Variants in B3GALT1 observed in about 807,000 individuals in gnomAD.
B3GALT1 encodes beta-1,3-galactosyltransferase 1, also known as UDP-Gal:betaGlcNAc beta 1,3-galactosyltransferase, polypeptide 1.
Under a neutral mutation model 23.2 loss-of-function variants are expected in B3GALT1, and 10 were observed. The observed-to-expected ratio is 0.43, with a 90% CI of 0.27 to 0.73. B3GALT1 has a LOEUF of 0.73. B3GALT1 is among the 30% of genes least tolerant of loss of function. The pLI is 0.21. For missense variants in B3GALT1, 299 were observed against 405.4 expected (o/e 0.74, Z 2.25); for synonymous variants, 156 against 141.5 (o/e 1.10, Z -0.73).
chr2:167,536,648 G>C (rs1047739517), intron 2 of B3GALT1, among the ~76,000 whole-genome samples: 6 of 152,124 alleles, frequency 3.9e-5, no homozygotes, highest in Non-Finnish European at 8.8e-5. Context: ...TGTTAGAAGA[G>C]AGAGGAAAAT....
At chr2:167,435,973 ACACACACACG>A (rs112038689) in intron 1 of B3GALT1, among the ~76,000 whole-genome samples, 19 of 116,290 alleles carry the variant, frequency 1.6e-4, no homozygotes, top group African/African-American at 7.2e-4. Context: ...ACACACACAC[ACACACACACG>A]CACACACACA....
intron 1 of B3GALT1, among the ~76,000 whole-genome samples, chr2:167,481,827 G>C (rs1187425991): frequency 6.6e-6 from 1 of 152,152 alleles, no homozygotes; most frequent in Non-Finnish European, 1.5e-5. Flanking sequence ...TCCACCACTG[G>C]AGAGAGCACT....
chr2:167,524,815 C>T (rs987225181), intron 2 of B3GALT1, among the ~76,000 whole-genome samples: 1 of 152,176 alleles, frequency 6.6e-6, no homozygotes, highest in African/African-American at 2.4e-5. Flanking sequence ...CTATCAGCAC[C>T]TTGCCTTTGT....
At chr2:167,473,461 A>G (rs554990795) in intron 1 of B3GALT1, among the ~76,000 whole-genome samples, 1 of 152,296 alleles carries the variant, frequency 6.6e-6, no homozygotes, top group East Asian at 1.9e-4. Context: ...TGTTAACGAT[A>G]CAAAATAATT....
At chr2:167,522,304 T>C (rs1398085596) in intron 2 of B3GALT1, among the ~76,000 whole-genome samples, 1 of 152,050 alleles carries the variant, frequency 6.6e-6, no homozygotes, top group Non-Finnish European at 1.5e-5. Context: ...CTTCTCCAGA[T>C]TTAGTCATTC....
chr2:167,380,726 A>G (rs73021708), intron 1 of B3GALT1, among the ~76,000 whole-genome samples: 2,673 of 152,220 alleles, frequency 0.018, 86 homozygotes, highest in African/African-American at 0.061. Context: ...CGTGGGAGAA[A>G]CAAAGTGCTC....
chr2:167,669,809 C>G lies in B3GALT1; in HGVS notation c.-352+22843C>G, dbSNP rs578199529. On this transcript the variant is annotated intron_variant, in intron 3 of 4. Coordinates refer to ENST00000392690, the MANE Select transcript of B3GALT1 (RefSeq NM_020981.4). ...CTTATCAGGGAAAATGAGACAGTGC[C>G]TGGCTTCCCAAGCCATGTGGGACAC... Among the ~76,000 whole-genome samples, 18 of 152,182 alleles carry G rather than the reference C, an allele frequency of 1.2e-4. 1 individual carries two copies. The East Asian group carries it at 3.3e-3, about 28-fold the overall frequency.
chr2:167,751,455 A>T lies in B3GALT1; in HGVS notation c.-351-67217A>T, dbSNP rs143361555. On this transcript the variant is annotated intron_variant, in intron 3 of 4. Coordinates refer to ENST00000392690, the MANE Select transcript of B3GALT1 (RefSeq NM_020981.4). ...TAATGTGGAATGGAGTGGAGGAAAT[A>T]GTCTGTCTGTGGGAGAATTTCAGAA... 2.9e-3 allele frequency among the ~76,000 whole-genome samples: 436 copies of T among 152,328 alleles called. 3 individuals carry two copies. The highest frequency in any genetic ancestry group is 8.9e-3 in the African/African-American group (372 of 41,576).
At chr2:167,820,166 T>G (rs1430909931) in intron 4 of B3GALT1, among the ~76,000 whole-genome samples, 2 of 152,208 alleles carry the variant, frequency 1.3e-5, no homozygotes, top group Non-Finnish European at 2.9e-5. Flanking sequence ...TAAATAATAC[T>G]TCCTCTTAGG....
chr2:167,719,361 C>T (rs1200725263), intron 3 of B3GALT1, among the ~76,000 whole-genome samples: 3 of 152,224 alleles, frequency 2.0e-5, no homozygotes, highest in Middle Eastern at 3.4e-3. Context: ...GCAGATTCCG[C>T]GAATGTGTGC....
At chr2:167,583,705 T>C (rs1399584393) in intron 2 of B3GALT1, among the ~76,000 whole-genome samples, 1 of 152,234 alleles carries the variant, frequency 6.6e-6, no homozygotes, top group Admixed American at 6.5e-5. Context: ...TTGTCAGATC[T>C]TAATCACTTT....
chr2:167,663,496 A>C (rs575763477), intron 3 of B3GALT1, among the ~76,000 whole-genome samples: 2 of 151,660 alleles, frequency 1.3e-5, no homozygotes, highest in Admixed American at 6.6e-5. Context: ...TGGCTGGGTC[A>C]AATGGTATTT....
chr2:167,709,251 C>T (rs149232279), intron 3 of B3GALT1, among the ~76,000 whole-genome samples: 14 of 152,302 alleles, frequency 9.2e-5, no homozygotes, highest in African/African-American at 3.1e-4. Context: ...ATAACAAACC[C>T]AGATGGAATC....
rs116541997 is a variant in B3GALT1 at position 167,474,673 on chromosome 2, C to G, written c.-510-15504C>G. ...CCTGATTCTACTCCTGCAGTTATCT[C>G]TGACACCAAAGGTGCATCGCAAGGT... On this transcript the variant is annotated intron_variant, in intron 1 of 4. Transcript: ENST00000392690. 5.6e-3 allele frequency among the ~76,000 whole-genome samples: 850 copies of G among 152,248 alleles called. 8 individuals are homozygous for G. The highest frequency in any genetic ancestry group is 0.02 in the African/African-American group (815 of 41,546).
intron 2 of B3GALT1, among the ~76,000 whole-genome samples, chr2:167,534,736 T>A (rs1337466601): frequency 6.6e-6 from 1 of 152,182 alleles, no homozygotes; most frequent in African/African-American, 2.4e-5. Flanking sequence ...GATATTTATA[T>A]GAGGGGAGGG....
At chr2:167,678,099 A>G (rs769462020) in intron 3 of B3GALT1, among the ~76,000 whole-genome samples, 2 of 152,042 alleles carry the variant, frequency 1.3e-5, no homozygotes, top group Non-Finnish European at 1.5e-5. Flanking sequence ...CCCTTATCCA[A>G]TCACCCAGGT....
At chr2:167,499,932 T>G (rs4667955) in intron 2 of B3GALT1, among the ~76,000 whole-genome samples, 59,454 of 151,978 alleles carry the variant, frequency 0.39, 12,493 homozygotes, top group East Asian at 0.81. Context: ...TTTCTACTAC[T>G]AGAAGTTTAA....
intron 1 of B3GALT1, among the ~76,000 whole-genome samples, chr2:167,473,723 G>A (rs1699450399): frequency 6.6e-6 from 1 of 152,060 alleles, no homozygotes; most frequent in Admixed American, 6.6e-5. Context: ...ACCAAGGCTG[G>A]GAAAGGAGTT....
At chr2:167,464,719 G>A (rs567841869) in intron 1 of B3GALT1, among the ~76,000 whole-genome samples, 59 of 152,254 alleles carry the variant, frequency 3.9e-4, no homozygotes, top group African/African-American at 1.4e-3. Context: ...GGATATGAAT[G>A]GACATATTGA....
Sources: allele counts gnomAD v4.1 joint callset (sites outside exome capture counted in the v4.1 genomes callset), GRCh38; gene constraint gnomAD v4.1.1; transcripts MANE v1.5; gene names NCBI Gene and HGNC (gene_info 2026-07-23, HGNC 2026-07-21).